The following UBE4B variants were observed in gnomAD, a reference collection of about 807,000 sequenced individuals.
UBE4B encodes ubiquitination factor E4B, also known as ubiquitin conjugation factor E4 B.
Under a neutral mutation model 148.1 loss-of-function variants are expected in UBE4B, and 27 were observed. The ratio of observed to expected loss-of-function variants is 0.18; its 90% CI spans 0.13 to 0.25. UBE4B has a LOEUF of 0.25. UBE4B is among the 10% of genes least tolerant of loss of function. The pLI is 1.00. For synonymous variants in UBE4B, 596 were observed against 619.3 expected (o/e 0.96, Z 0.56); for missense variants, 1,170 against 1,662.4 (o/e 0.70, Z 5.15).
At chr1:10,158,530 A>G in intron 22 of UBE4B, 48 bp downstream of exon 22, 1 of 1,599,246 alleles carries the variant, frequency 6.3e-7, no homozygotes, top group Non-Finnish European at 8.5e-7. Flanking sequence ...TGCAAATCGC[A>G]GGTAGGATTG....
chr1:10,162,415 C>T (rs572159676), intron 23 of UBE4B, among the ~76,000 whole-genome samples: 5 of 152,042 alleles, frequency 3.3e-5, no homozygotes, highest in Admixed American at 6.6e-5. Flanking sequence ...CCTTGTGATC[C>T]GCCTTCCTCG....
chr1:10,144,714 A>T (rs1317272678), intron 17 of UBE4B, among the ~76,000 whole-genome samples: 1 of 149,080 alleles, frequency 6.7e-6, no homozygotes, highest in African/African-American at 2.5e-5. Flanking sequence ...CAGCCTGGTG[A>T]CAGAGCGAGA....
chr1:10,089,107 A>G (rs957154166), intron 2 of UBE4B, among the ~76,000 whole-genome samples: 1 of 152,172 alleles, frequency 6.6e-6, no homozygotes, highest in South Asian at 2.1e-4. Flanking sequence ...CCCAGGTTCC[A>G]GTGATTCTGC....
intron 1 of UBE4B, among the ~76,000 whole-genome samples, chr1:10,041,657 C>T (rs2101773357): frequency 6.6e-6 from 1 of 151,998 alleles, no homozygotes; most frequent in East Asian, 1.9e-4. Flanking sequence ...TTCTTACGGT[C>T]CCTTCTGAGA....
chr1:10,090,129 T>G (rs79917267), intron 2 of UBE4B, among the ~76,000 whole-genome samples: 51 of 149,778 alleles, frequency 3.4e-4, no homozygotes, highest in South Asian at 3.0e-3. Flanking sequence ...GTGTGTGTGT[T>G]TTTTTTTTTA....
chr1:10,115,838 G>A (rs986270024), intron 7 of UBE4B, among the ~76,000 whole-genome samples: 1 of 152,124 alleles, frequency 6.6e-6, no homozygotes, highest in Non-Finnish European at 1.5e-5. Flanking sequence ...GAACACTCTA[G>A]GCAATTAGAT....
At position 10,168,553 on chromosome 1, in the gene UBE4B, C is replaced by T. The variant is rs1470827783; in HGVS notation, c.3333+283C>T. On this transcript the variant is annotated intron_variant, in intron 24 of 27. Transcript: ENST00000343090. The surrounding 1 kb of genome is among the most constrained non-coding windows in gnomAD (Gnocchi z 4.9). ...TACATTGGATTATTCATGTTGATGT[C>T]ATGACATATTTTTACCATTATTGAT... is the stretch of plus-strand genomic sequence containing the variant. Among the ~76,000 whole-genome samples, 1 of 152,180 alleles carries T rather than the reference C, an allele frequency of 6.6e-6. No individual in the cohort carries two copies. The highest frequency in any genetic ancestry group is 1.9e-4 in the East Asian group (1 of 5,196).
chr1:10,069,027 A>G (rs1644439725), intron 1 of UBE4B, among the ~76,000 whole-genome samples: 2 of 152,222 alleles, frequency 1.3e-5, no homozygotes, highest in South Asian at 4.1e-4. Context: ...AGTCTGCAAC[A>G]TGCTTCACAA....
chr1:10,136,550 C>T (rs563603740), intron 16 of UBE4B, among the ~76,000 whole-genome samples: 5 of 151,324 alleles, frequency 3.3e-5, no homozygotes, highest in Admixed American at 2.6e-4. Context: ...GGACAGAATA[C>T]GGTGGTCCTT....
chr1:10,122,417 G>T (rs543417099), intron 10 of UBE4B, among the ~76,000 whole-genome samples: 11 of 152,210 alleles, frequency 7.2e-5, no homozygotes, highest in Non-Finnish European at 8.8e-5. Context: ...GCATTTGCCA[G>T]ATAAGTAGTG....
At chr1:10,046,976 C>T (rs985658649) in intron 1 of UBE4B, among the ~76,000 whole-genome samples, 7 of 152,126 alleles carry the variant, frequency 4.6e-5, no homozygotes, top group African/African-American at 9.7e-5. Context: ...TTGTATTGTT[C>T]GACCAGTTCC....
At chr1:10,157,748 G>C (rs1646097568) in intron 21 of UBE4B, among the ~76,000 whole-genome samples, 1 of 152,110 alleles carries the variant, frequency 6.6e-6, no homozygotes, top group Admixed American at 6.6e-5. Flanking sequence ...CTGCACTCCA[G>C]CCTGGCGACA....
intron 2 of UBE4B, among the ~76,000 whole-genome samples, chr1:10,075,580 C>T (rs1357875769): frequency 6.6e-6 from 1 of 152,158 alleles, no homozygotes; most frequent in East Asian, 1.9e-4. Flanking sequence ...AGTTCTTGCC[C>T]GGGTACCTCT....
At chr1:10,132,223 T>C in intron 14 of UBE4B, 146 bp from the exon 15 acceptor site, 2 of 610,996 alleles carry the variant, frequency 3.3e-6, no homozygotes, top group East Asian at 2.8e-5. Flanking sequence ...GGATATTTCT[T>C]ATATTCTTTC....
intron 5 of UBE4B, among the ~76,000 whole-genome samples, chr1:10,103,607 A>AG (rs1286691270): frequency 9.0e-6 from 1 of 110,710 alleles, no homozygotes; most frequent in African/African-American, 5.2e-5. Context: ...TAATTTTTGT[A>AG]GTTTTTTTTG....
intron 2 of UBE4B, among the ~76,000 whole-genome samples, chr1:10,094,484 A>G (rs916847382): frequency 7.4e-4 from 111 of 149,086 alleles, no homozygotes; most frequent in Middle Eastern, 3.4e-3. Context: ...CCCAGGCTGG[A>G]GTGCAATGGC....
intron 1 of UBE4B, among the ~76,000 whole-genome samples, chr1:10,057,578 G>T (rs1330636343): frequency 1.1e-4 from 17 of 150,864 alleles, no homozygotes; most frequent in Admixed American, 8.6e-4. Context: ...CTAATTTTTT[G>T]ATTTTTTTTT....
At chr1:10,045,823 G>T (rs991482510) in intron 1 of UBE4B, among the ~76,000 whole-genome samples, 2 of 152,184 alleles carry the variant, frequency 1.3e-5, no homozygotes, top group Non-Finnish European at 2.9e-5. Context: ...AATAGGATTG[G>T]GTAGTGAGTT....
At chr1:10,107,831 G>A (rs1467154316) in intron 7 of UBE4B, among the ~76,000 whole-genome samples, 1 of 152,090 alleles carries the variant, frequency 6.6e-6, no homozygotes, top group African/African-American at 2.4e-5. Flanking sequence ...GCCCGTCTTG[G>A]CCTCCCAAAA....
Sources: gnomAD v4.1 joint callset for allele counts (sites outside exome capture counted in the v4.1 genomes callset) on GRCh38, gnomAD v4.1.1 for gene constraint, Gnocchi (gnomAD v3.1) non-coding constraint, MANE v1.5 for transcripts, NCBI Gene and HGNC (gene_info 2026-07-23, HGNC 2026-07-21) for gene names.